The following IMMP2L variants were observed in gnomAD, a reference collection of about 807,000 sequenced individuals.
IMMP2L encodes the protein inner mitochondrial membrane peptidase subunit 2, also known as mitochondrial inner membrane protease subunit 2.
IMMP2L carries 18 observed loss-of-function variants against 19.3 expected under a neutral mutation model. That is an observed-to-expected ratio of 0.93 (90% CI 0.64 to 1.38). The LOEUF is 1.38. Among genes scored for constraint, IMMP2L ranks in the 40% most tolerant of loss-of-function variants. The probability of loss-of-function intolerance (pLI) is 0.00; values close to 1 mark genes in which losing one functional copy is unlikely to be tolerated. For synonymous variants in IMMP2L, 76 were observed against 73.0 expected (o/e 1.04, Z -0.21); for missense variants, 233 against 218.2 (o/e 1.07, Z -0.43).
intron 3 of IMMP2L, among the ~76,000 whole-genome samples, chr7:111,329,773 T>C (rs1303458823): frequency 6.6e-6 from 1 of 151,888 alleles, no homozygotes; most frequent in Non-Finnish European, 1.5e-5. Context: ...GGAAGGCATA[T>C]GCCATTTGAA....
rs1483955355 is a variant in IMMP2L at position 111,195,870 on chromosome 7, T to A, written c.240-232305A>T. ...TTCATTTCATTTCATTTTTGCTCTA[T>A]CATTTCATTTCATTTTATTTTATTT... On this transcript the variant is annotated intron_variant, in intron 3 of 5. Transcript: ENST00000405709. 3.4e-4 allele frequency among the ~76,000 whole-genome samples: 9 copies of A among 26,630 alleles called. No individual in the cohort carries two copies. The Admixed American group carries it at 3.5e-3, about 10-fold the overall frequency. The allele number at this position is 26,630 out of a possible 152,430, so 17.5% of individuals were successfully genotyped here.
At chr7:111,015,160 C>A (rs1010094810) in intron 3 of IMMP2L, among the ~76,000 whole-genome samples, 5 of 152,096 alleles carry the variant, frequency 3.3e-5, no homozygotes, top group African/African-American at 1.2e-4. Context: ...ACCCAAATGT[C>A]CATTACCAGA....
At chr7:111,549,735 T>C (rs1272082361) in intron 1 of IMMP2L, among the ~76,000 whole-genome samples, 1 of 149,820 alleles carries the variant, frequency 6.7e-6, no homozygotes, top group Non-Finnish European at 1.5e-5. Context: ...AGGTCAGGAG[T>C]TCAAGACCAG....
At chr7:111,067,682 G>T (rs1794629672) in intron 3 of IMMP2L, among the ~76,000 whole-genome samples, 2 of 152,142 alleles carry the variant, frequency 1.3e-5, no homozygotes, top group Admixed American at 6.5e-5. Context: ...TAGGAAAACT[G>T]ATGCTCAAAG....
chr7:110,864,435 C>T (rs1363945156), intron 5 of IMMP2L, among the ~76,000 whole-genome samples: 1 of 151,912 alleles, frequency 6.6e-6, no homozygotes, highest in East Asian at 1.9e-4. Context: ...ACTATTGCTG[C>T]TACTATTAAT....
chr7:111,526,059 TA>T (rs1391197646), intron 1 of IMMP2L, among the ~76,000 whole-genome samples: 1 of 150,860 alleles, frequency 6.6e-6, no homozygotes, highest in African/African-American at 2.4e-5. Flanking sequence ...TATGAAGGCC[TA>T]GGGGCAAAAT....
rs529962644 is a variant in IMMP2L, at chr7:111,195,596, T to G, written c.240-232031A>C. Among the ~76,000 whole-genome samples the G allele has an allele frequency of 3.9e-5, 6 of 152,282 alleles. 1 individual carries two copies. Among genetic ancestry groups the G allele is most frequent in the African/African-American group, 1.4e-4 (6 of 41,556 alleles). On this transcript the variant is annotated intron_variant, in intron 3 of 5. Transcript: ENST00000405709. Reference sequence around the variant, plus strand: ...TTTAAAAGCAAATATGTACATATATTTTCATTGAAAGTCTAATTACGGACT... The same window carrying G: ...TTTAAAAGCAAATATGTACATATATGTTCATTGAAAGTCTAATTACGGACT...
intron 3 of IMMP2L, among the ~76,000 whole-genome samples, chr7:111,146,212 G>T (rs1803452280): frequency 8.5e-6 from 1 of 117,926 alleles, no homozygotes; most frequent in Admixed American, 1.2e-4. Flanking sequence ...ATATAACATG[G>T]TTTTTTATGA....
chr7:111,095,386 AAAT>A lies in IMMP2L; in HGVS notation c.240-131824_240-131822del, dbSNP rs138076714. ...AAATTCTGCCTCCTTGGTCTTTCAA[AAAT>A]AATGTTTTCTCAAAAACCTCCTATG... On this transcript the variant is annotated intron_variant, in intron 3 of 5. Coordinates refer to ENST00000405709, the MANE Select transcript of IMMP2L (RefSeq NM_032549.4). Among the ~76,000 whole-genome samples, 1,100 of 152,080 alleles carry A rather than the reference AAAT, an allele frequency of 7.2e-3. 11 individuals are homozygous for A. Among genetic ancestry groups the A allele is most frequent in the African/African-American group, 0.025 (1,058 of 41,500 alleles).
chr7:111,084,481 G>C (rs976038451), intron 3 of IMMP2L, among the ~76,000 whole-genome samples: 1 of 152,116 alleles, frequency 6.6e-6, no homozygotes, highest in African/African-American at 2.4e-5. Context: ...TGGATGGATG[G>C]ATGCACGGAT....
At chr7:111,334,887 G>T (rs752538051) in intron 3 of IMMP2L, among the ~76,000 whole-genome samples, 1 of 152,002 alleles carries the variant, frequency 6.6e-6, no homozygotes, top group African/African-American at 2.4e-5. Context: ...AGGTTGATTC[G>T]GGGTAATATC....
At chr7:110,700,228 C>T (rs117901383) in intron 5 of IMMP2L, among the ~76,000 whole-genome samples, 1,829 of 152,280 alleles carry the variant, frequency 0.012, 23 homozygotes, top group Middle Eastern at 0.037. Flanking sequence ...ACTAACACCC[C>T]GTAAGCCTCC....
At chr7:110,817,983 C>A (rs373081937) in intron 5 of IMMP2L, among the ~76,000 whole-genome samples, 14 of 151,934 alleles carry the variant, frequency 9.2e-5, no homozygotes, top group Non-Finnish European at 1.9e-4. Flanking sequence ...TAAAGACTTA[C>A]ATGTTAGACC....
At chr7:111,202,185 C>T (rs1215062047) in intron 3 of IMMP2L, among the ~76,000 whole-genome samples, 1 of 152,142 alleles carries the variant, frequency 6.6e-6, no homozygotes, top group Non-Finnish European at 1.5e-5. Flanking sequence ...TGAAGAATTT[C>T]TGTTTCCTTT....
chr7:111,321,215 A>G (rs1026041504), intron 3 of IMMP2L, among the ~76,000 whole-genome samples: 2 of 152,008 alleles, frequency 1.3e-5, no homozygotes, highest in Admixed American at 6.6e-5. Context: ...TGCTCCTACG[A>G]TAATACCAAA....
Position 110,937,260 on chromosome 7 carries a change from A to G in IMMP2L, c.305+26240T>C, listed in dbSNP as rs547938961. Among the ~76,000 whole-genome samples, 7 of 152,316 alleles carry G rather than the reference A, an allele frequency of 4.6e-5. No homozygotes were observed. The East Asian group carries it at 1.4e-3, about 29-fold the overall frequency. ...AAAAGCCAAAAATAAAAGTGCATACAGTGTCATGTGACTAGAGATAAAGGT... is the reference window on the plus strand; with the variant it reads ...AAAAGCCAAAAATAAAAGTGCATACGGTGTCATGTGACTAGAGATAAAGGT... On this transcript the variant is annotated intron_variant, in intron 4 of 5. Transcript: ENST00000405709.
intron 3 of IMMP2L, among the ~76,000 whole-genome samples, chr7:111,086,279 GA>G (rs1796326372): frequency 1.4e-5 from 2 of 146,596 alleles, no homozygotes; most frequent in Non-Finnish European, 3.0e-5. Context: ...AAAAAAAAAA[GA>G]AAAAGAAAAA....
At position 111,123,470 on chromosome 7, in the gene IMMP2L, T is replaced by G. The variant is rs1354023217; in HGVS notation, c.240-159905A>C. ...ACAGAAATACCAGATAACGCCTTGG[T>G]TGGACTGGAAAACTTAGAAAGCATC... is the stretch of plus-strand genomic sequence containing the variant. On this transcript the variant is annotated intron_variant, in intron 3 of 5. Transcript: ENST00000405709. The surrounding 1 kb of genome is among the most constrained non-coding windows in gnomAD (Gnocchi z 6.4). 1 of 1,613,780 alleles carries G rather than the reference T, an allele frequency of 6.2e-7. No individual in the cohort carries two copies.
chr7:111,260,369 T>C (rs535502696), intron 3 of IMMP2L, among the ~76,000 whole-genome samples: 6 of 152,226 alleles, frequency 3.9e-5, no homozygotes, highest in African/African-American at 7.2e-5. Flanking sequence ...ATGCAGCTCA[T>C]TGTTAACTGA....
Sources: gnomAD v4.1 joint callset for allele counts (sites outside exome capture counted in the v4.1 genomes callset) on GRCh38, gnomAD v4.1.1 for gene constraint, Gnocchi (gnomAD v3.1) non-coding constraint, MANE v1.5 for transcripts, NCBI Gene and HGNC (gene_info 2026-07-23, HGNC 2026-07-21) for gene names.